Variants in SLC14A2 observed in about 807,000 individuals in gnomAD.
The protein encoded by SLC14A2 is urea transporter 2.
A neutral mutation model predicts 104.6 loss-of-function variants in SLC14A2; 91 were observed. The observed-to-expected ratio is 0.87, with a 90% CI of 0.73 to 1.04. The LOEUF is 1.04. Ranked by LOEUF, SLC14A2 falls within the 50% of genes least tolerant of loss-of-function variation. The pLI, the probability that SLC14A2 is intolerant of heterozygous loss-of-function variation, is 0.00. For missense variants in SLC14A2, 1,189 were observed against 1,156.0 expected, an observed-to-expected ratio of 1.03 and a Z score of -0.41; for synonymous variants, 476 against 466.4, an observed-to-expected ratio of 1.02 and a Z score of -0.27.
chr18:45,456,780 T>C (rs1188081510), intron 1 of SLC14A2, among the ~76,000 whole-genome samples: 1 of 151,472 alleles, frequency 6.6e-6, no homozygotes, highest in Non-Finnish European at 1.5e-5. Context: ...ATGACCTTTT[T>C]GAAGCATCTT....
chr18:45,325,258 C>T (rs963548612), intron 1 of SLC14A2, among the ~76,000 whole-genome samples: 3 of 152,186 alleles, frequency 2.0e-5, no homozygotes, highest in Non-Finnish European at 4.4e-5. Flanking sequence ...GTGACCCACA[C>T]TCGGATGACC....
intron 1 of SLC14A2, among the ~76,000 whole-genome samples, chr18:45,293,224 A>T (rs959214278): frequency 1.3e-5 from 2 of 152,182 alleles, no homozygotes; most frequent in Admixed American, 6.5e-5. Context: ...GCTTAGGTGT[A>T]TGAGTTTATA....
At chr18:45,553,372 C>T (rs1279548596) in intron 2 of SLC14A2, among the ~76,000 whole-genome samples, 1 of 152,202 alleles carries the variant, frequency 6.6e-6, no homozygotes, top group Non-Finnish European at 1.5e-5. Context: ...CCTTGACCAG[C>T]CTAAGCCCTG....
intron 10 of SLC14A2, 28 bp from the exon 11 acceptor site, chr18:45,663,757 T>G: frequency 6.2e-7 from 1 of 1,608,144 alleles, no homozygotes; most frequent in Non-Finnish European, 8.5e-7. Context: ...GGTGGGACAC[T>G]GACCTGTCTT....
intron 2 of SLC14A2, among the ~76,000 whole-genome samples, chr18:45,585,155 C>T (rs910456095): frequency 1.3e-5 from 2 of 148,700 alleles, no homozygotes; most frequent in African/African-American, 5.0e-5. Flanking sequence ...TCCTCCTCCT[C>T]CTTCCTGGGC....
At chr18:45,512,395 G>C (rs1055063488) in intron 2 of SLC14A2, among the ~76,000 whole-genome samples, 6 of 152,166 alleles carry the variant, frequency 3.9e-5, no homozygotes, top group African/African-American at 1.4e-4. Context: ...GTTTTACACT[G>C]CCATACCCAG....
At chr18:45,377,379 C>T (rs2085786756) in intron 1 of SLC14A2, among the ~76,000 whole-genome samples, 1 of 152,106 alleles carries the variant, frequency 6.6e-6, no homozygotes, top group Admixed American at 6.5e-5. Flanking sequence ...GCATCTACTC[C>T]AATGACTTTT....
chr18:45,433,766 T>C lies in SLC14A2; in HGVS notation c.-124-49467T>C, dbSNP rs77598831. ...TAAGATCAGGGCATTTAAGCACTCA[T>C]TATTGATGAGACCAAGGCTAGGGAA... On this transcript the variant is annotated intron_variant, in intron 1 of 20. Coordinates refer to the SLC14A2 transcript ENST00000586448. Among the ~76,000 whole-genome samples, 117 of 152,320 alleles carry C rather than the reference T, an allele frequency of 7.7e-4. 1 individual carries two copies. In the East Asian group the frequency reaches 0.021, roughly 27 times the overall value.
At chr18:45,501,883 T>C (rs1376640511) in intron 2 of SLC14A2, among the ~76,000 whole-genome samples, 2 of 152,222 alleles carry the variant, frequency 1.3e-5, no homozygotes, top group Non-Finnish European at 2.9e-5. Context: ...AAGAACATCA[T>C]GGGACATGAG....
intron 1 of SLC14A2, among the ~76,000 whole-genome samples, chr18:45,449,860 G>A (rs1017405988): frequency 3.9e-5 from 6 of 152,134 alleles, no homozygotes; most frequent in Admixed American, 6.5e-5. Flanking sequence ...GTTTCTAGGC[G>A]ACCAACAGAT....
intron 2 of SLC14A2, among the ~76,000 whole-genome samples, chr18:45,501,563 T>G (rs944860078): frequency 1.3e-5 from 2 of 152,166 alleles, no homozygotes; most frequent in Non-Finnish European, 2.9e-5. Context: ...TTGAACAGGG[T>G]GCAGGTGAAG....
At chr18:45,340,698 A>C (rs1464608353) in intron 1 of SLC14A2, among the ~76,000 whole-genome samples, 2 of 152,236 alleles carry the variant, frequency 1.3e-5, no homozygotes, top group Non-Finnish European at 2.9e-5. Context: ...AATAATTGGT[A>C]GAGTAATGAA....
chr18:45,383,344 G>T (rs542796335), intron 1 of SLC14A2, among the ~76,000 whole-genome samples: 1 of 152,270 alleles, frequency 6.6e-6, no homozygotes, highest in South Asian at 2.1e-4. Context: ...GGGAAACTTA[G>T]TGACCCTATG....
the SLC14A2 span, chr18:45,179,736 AG>A: frequency 1.3e-5 from 2 of 152,096 alleles, no homozygotes; most frequent in African/African-American, 2.4e-5. Flanking sequence ...CTGGCATATA[AG>A]GGTTCAGAAA....
chr18:45,253,655 T>A (rs2084446162), intron 1 of SLC14A2, among the ~76,000 whole-genome samples: 1 of 152,168 alleles, frequency 6.6e-6, no homozygotes, highest in Non-Finnish European at 1.5e-5. Context: ...TTTTTATATA[T>A]GAATATACTT....
intron 1 of SLC14A2, among the ~76,000 whole-genome samples, chr18:45,279,724 G>T (rs919002663): frequency 7.2e-5 from 11 of 152,092 alleles, no homozygotes; most frequent in Non-Finnish European, 1.6e-4. Flanking sequence ...AAACAAAGAG[G>T]CTTTAGACAC....
chr18:45,281,305 T>TAC (rs201084847), intron 1 of SLC14A2, among the ~76,000 whole-genome samples: 3 of 151,918 alleles, frequency 2.0e-5, no homozygotes, highest in Non-Finnish European at 4.4e-5. Flanking sequence ...TATACACACT[T>TAC]ACACACACAC....
chr18:45,228,017 A>T (rs2084137125), intron 1 of SLC14A2, among the ~76,000 whole-genome samples: 1 of 152,206 alleles, frequency 6.6e-6, no homozygotes, highest in African/African-American at 2.4e-5. Flanking sequence ...AATCGATAAT[A>T]GATTAATTCT....
At chr18:45,168,671 G>A in the SLC14A2 span, 1 of 152,078 alleles carries the variant, frequency 6.6e-6, no homozygotes, top group Non-Finnish European at 1.5e-5. Flanking sequence ...TGTGATCTAA[G>A]TGCTTAGAAT....
Sources: allele counts gnomAD v4.1 joint callset (sites outside exome capture counted in the v4.1 genomes callset), GRCh38; gene constraint gnomAD v4.1.1; transcripts MANE v1.5; gene names NCBI Gene and HGNC (gene_info 2026-07-23, HGNC 2026-07-21).